CDKAL1: variants seen among roughly 807,000 people sequenced by gnomAD.
The protein encoded by CDKAL1 is CDKAL1 threonylcarbamoyladenosine tRNA methylthiotransferase.
In CDKAL1, 32 loss-of-function variants were observed where a neutral mutation model predicts 68.2. The observed-to-expected ratio is 0.47, with a 90% confidence interval of 0.35 to 0.63. CDKAL1 has a LOEUF of 0.63. Among genes scored for constraint, CDKAL1 ranks in the 30% least tolerant of loss-of-function variants. The pLI is 0.00. For missense variants in CDKAL1, 606 were observed against 696.7 expected, an observed-to-expected ratio of 0.87 and a Z score of 1.47; for synonymous variants, 234 against 244.3, an observed-to-expected ratio of 0.96 and a Z score of 0.39.
At chr6:20,884,037 G>A (rs1009640406) in intron 9 of CDKAL1, among the ~76,000 whole-genome samples, 61 of 152,078 alleles carry the variant, frequency 4.0e-4, no homozygotes, top group Admixed American at 3.9e-3. Flanking sequence ...GAAAATTATA[G>A]ACTGATAGCC....
At chr6:20,883,439 G>A (rs939054383) in intron 9 of CDKAL1, among the ~76,000 whole-genome samples, 1 of 152,184 alleles carries the variant, frequency 6.6e-6, no homozygotes, top group East Asian at 1.9e-4. Context: ...CTGAATGTGG[G>A]TGGAACCTGT....
chr6:20,965,641 C>G (rs1023012008), intron 10 of CDKAL1, among the ~76,000 whole-genome samples: 4 of 152,074 alleles, frequency 2.6e-5, no homozygotes, highest in African/African-American at 7.2e-5. Flanking sequence ...TGTACACTTC[C>G]GTTTATATAG....
intron 9 of CDKAL1, among the ~76,000 whole-genome samples, chr6:20,917,181 A>G (rs180872998): frequency 1.5e-4 from 23 of 152,202 alleles, no homozygotes; most frequent in Middle Eastern, 3.4e-3. Context: ...TGGTTTCACC[A>G]TGTTGGCCAG....
At chr6:21,046,897 T>C (rs1284994904) in intron 11 of CDKAL1, among the ~76,000 whole-genome samples, 1 of 152,186 alleles carries the variant, frequency 6.6e-6, no homozygotes, top group Non-Finnish European at 1.5e-5. Flanking sequence ...AGAATTAGAA[T>C]GAAATCTCCA....
At chr6:20,663,901 A>G (rs1769404655) in intron 5 of CDKAL1, among the ~76,000 whole-genome samples, 1 of 152,154 alleles carries the variant, frequency 6.6e-6, no homozygotes, top group South Asian at 2.1e-4. Flanking sequence ...TTAATTCTAA[A>G]AAAATTTAGG....
At chr6:20,739,309 A>T (rs1773340470) in intron 5 of CDKAL1, among the ~76,000 whole-genome samples, 1 of 152,170 alleles carries the variant, frequency 6.6e-6, no homozygotes, top group African/African-American at 2.4e-5. Flanking sequence ...GCATTATCAG[A>T]TTGGACTGCT....
intron 4 of CDKAL1, among the ~76,000 whole-genome samples, chr6:20,637,987 TA>T (rs1160532457): frequency 1.3e-5 from 2 of 152,232 alleles, no homozygotes; most frequent in African/African-American, 2.4e-5. Context: ...CTGAAGGTAC[TA>T]AAATATTTGT....
At chr6:21,023,345 C>G (rs1315590353) in intron 11 of CDKAL1, among the ~76,000 whole-genome samples, 1 of 152,100 alleles carries the variant, frequency 6.6e-6, no homozygotes, top group Non-Finnish European at 1.5e-5. Flanking sequence ...CTCTGAAGGT[C>G]TGAACTTGAG....
At chr6:20,662,083 G>C (rs111329856) in intron 5 of CDKAL1, among the ~76,000 whole-genome samples, 1 of 151,954 alleles carries the variant, frequency 6.6e-6, no homozygotes, top group Non-Finnish European at 1.5e-5. Flanking sequence ...TATAACAGCA[G>C]AGAAAAAAAG....
At chr6:21,068,745 A>G (rs1771594174) in intron 12 of CDKAL1, among the ~76,000 whole-genome samples, 1 of 152,206 alleles carries the variant, frequency 6.6e-6, no homozygotes, top group African/African-American at 2.4e-5. Flanking sequence ...GTTTCACCAA[A>G]AATCCTGCTG....
intron 6 of CDKAL1, among the ~76,000 whole-genome samples, chr6:20,757,613 C>G (rs1774277928): frequency 6.6e-6 from 1 of 152,046 alleles, no homozygotes; most frequent in South Asian, 2.1e-4. Context: ...ATAGAACAGA[C>G]CTATATGTAA....
At chr6:20,537,081 C>T (rs999328768) in intron 2 of CDKAL1, among the ~76,000 whole-genome samples, 1 of 152,024 alleles carries the variant, frequency 6.6e-6, no homozygotes, top group East Asian at 1.9e-4. Context: ...GCTCTGTCGC[C>T]CAGGCTGGAG....
chr6:20,965,446 A>G (rs1581926665), intron 10 of CDKAL1, among the ~76,000 whole-genome samples: 2 of 125,418 alleles, frequency 1.6e-5, no homozygotes, highest in South Asian at 4.3e-4. Context: ...GGGAGGGGGA[A>G]CATTATAATC....
chr6:21,118,679 T>C (rs1262279728), intron 13 of CDKAL1, among the ~76,000 whole-genome samples: 2 of 152,224 alleles, frequency 1.3e-5, no homozygotes, highest in East Asian at 3.8e-4. Context: ...AGAAAGTAAG[T>C]CAACCAGCTT....
intron 9 of CDKAL1, among the ~76,000 whole-genome samples, chr6:20,913,631 A>G (rs139832146): frequency 6.6e-6 from 1 of 152,154 alleles, no homozygotes; most frequent in Non-Finnish European, 1.5e-5. Flanking sequence ...TGCCCAACTG[A>G]TTGAAATTTC....
chr6:20,714,774 G>C (rs965504902), intron 5 of CDKAL1, among the ~76,000 whole-genome samples: 4 of 151,912 alleles, frequency 2.6e-5, no homozygotes, highest in Non-Finnish European at 5.9e-5. Flanking sequence ...TTTTAAACTT[G>C]TATATTAAAA....
At chr6:20,836,725 A>G (rs1032611771) in intron 8 of CDKAL1, among the ~76,000 whole-genome samples, 5 of 152,104 alleles carry the variant, frequency 3.3e-5, no homozygotes, top group Admixed American at 6.6e-5. Context: ...TAATGGGGGT[A>G]GTTTTTATCA....
intron 8 of CDKAL1, among the ~76,000 whole-genome samples, chr6:20,786,194 C>T (rs1180598919): frequency 6.6e-6 from 1 of 152,136 alleles, no homozygotes; most frequent in African/African-American, 2.4e-5. Context: ...CACTGCACTC[C>T]AGCCTGGGTG....
At chr6:21,228,428 C>T (rs1779832897) in intron 15 of CDKAL1, among the ~76,000 whole-genome samples, 1 of 152,162 alleles carries the variant, frequency 6.6e-6, no homozygotes, top group Non-Finnish European at 1.5e-5. Context: ...TAATCAACCT[C>T]TTAATTCTGG....
Sources: gnomAD v4.1 joint callset for allele counts (sites outside exome capture counted in the v4.1 genomes callset) on GRCh38, gnomAD v4.1.1 for gene constraint, MANE v1.5 for transcripts, NCBI Gene and HGNC (gene_info 2026-07-23, HGNC 2026-07-21) for gene names.